Variants in SLC24A2 observed in about 807,000 individuals in gnomAD.
The protein encoded by SLC24A2 is solute carrier family 24 member 2.
Under a neutral mutation model 62.0 loss-of-function variants are expected in SLC24A2, and 36 were observed. That is an observed-to-expected ratio of 0.58 (90% CI 0.44 to 0.77). The LOEUF is 0.77. SLC24A2 is among the 30% of genes least tolerant of loss of function. The pLI is 0.00. For missense variants in SLC24A2, 846 were observed against 817.9 expected, an observed-to-expected ratio of 1.03 and a Z score of -0.42; for synonymous variants, 358 against 294.0, an observed-to-expected ratio of 1.22 and a Z score of -2.23.
chr9:20,186,386 T>A, the SLC24A2 span, among the ~76,000 whole-genome samples: 2 of 152,304 alleles, frequency 1.3e-5, no homozygotes, highest in East Asian at 3.9e-4. Flanking sequence ...GGGGCCCTAC[T>A]TACTGTCTGG....
At position 19,789,011 on chromosome 9, in the gene SLC24A2, C is replaced by G; in HGVS notation, c.-280G>C. 3.2e-6 allele frequency: 3 copies of G among 940,966 alleles called. No homozygotes were observed. 58.3% of individuals were successfully genotyped at this position (940,966 alleles called of 1,614,324 possible). A position where few individuals can be genotyped will look rare whatever the true frequency, so the allele number is the denominator to read the frequency against. On this transcript the variant is annotated 5_prime_UTR_variant, in exon 1 of 11. Coordinates refer to ENST00000341998, the MANE Select transcript of SLC24A2 (RefSeq NM_020344.4). The stretch of plus-strand genomic sequence containing the variant: ...GGCTCGCACTGGCTGCCGCTCTCGC[C>G]AGCCGGGCTGGGTTCGGGAGGAGAC...
At chr9:20,078,997 T>G in the SLC24A2 span, among the ~76,000 whole-genome samples, 4 of 146,208 alleles carry the variant, frequency 2.7e-5, no homozygotes, top group South Asian at 9.2e-4. Flanking sequence ...TGCTAACCCC[T>G]AGAACATGTG....
intron 10 of SLC24A2, among the ~76,000 whole-genome samples, chr9:19,517,100 A>ATC (rs1394011842): frequency 1.3e-5 from 2 of 152,312 alleles, no homozygotes; most frequent in East Asian, 3.9e-4. Flanking sequence ...ACCTTTTAAA[A>ATC]TCTGAGGATC....
At chr9:20,265,099 C>G in the SLC24A2 span, among the ~76,000 whole-genome samples, 16 of 152,332 alleles carry the variant, frequency 1.1e-4, no homozygotes, top group African/African-American at 3.6e-4. Flanking sequence ...GCTCTTGCAG[C>G]GGGCTACAGC....
chr9:20,211,234 C>A, the SLC24A2 span, among the ~76,000 whole-genome samples: 5 of 152,010 alleles, frequency 3.3e-5, no homozygotes, highest in Admixed American at 2.0e-4. Context: ...ACATGCTGGC[C>A]GGGCGCGGTG....
the SLC24A2 span, among the ~76,000 whole-genome samples, chr9:20,273,839 C>T: frequency 6.6e-6 from 1 of 152,172 alleles, no homozygotes; most frequent in Admixed American, 6.5e-5. Context: ...CTCCATCAAA[C>T]CTAAGCATAA....
At chr9:19,751,188 T>C (rs1024759059) in intron 2 of SLC24A2, among the ~76,000 whole-genome samples, 6 of 152,182 alleles carry the variant, frequency 3.9e-5, no homozygotes, top group Admixed American at 3.9e-4. Context: ...TAAAAGTTAT[T>C]GTAGCCAACA....
chr9:20,011,382 G>A, the SLC24A2 span, among the ~76,000 whole-genome samples: 1 of 152,016 alleles, frequency 6.6e-6, no homozygotes, highest in Non-Finnish European at 1.5e-5. Flanking sequence ...ATTTTTTCAT[G>A]TGTCTTTTGG....
At chr9:19,542,535 C>T (rs1053703339) in intron 8 of SLC24A2, among the ~76,000 whole-genome samples, 2 of 152,174 alleles carry the variant, frequency 1.3e-5, no homozygotes, top group African/African-American at 4.8e-5. Flanking sequence ...AAAGGGAATG[C>T]TTCCAGTTTT....
intron 1 of SLC24A2, among the ~76,000 whole-genome samples, chr9:19,787,829 A>T (rs1823221048): frequency 6.6e-6 from 1 of 152,198 alleles, no homozygotes; most frequent in Non-Finnish European, 1.5e-5. Context: ...ATTTCGAGAG[A>T]CCACATGTGT....
At chr9:19,727,429 T>C (rs1158933145) in intron 2 of SLC24A2, among the ~76,000 whole-genome samples, 1 of 152,170 alleles carries the variant, frequency 6.6e-6, no homozygotes, top group Non-Finnish European at 1.5e-5. Context: ...TTTTTCCCCA[T>C]AGCATTTTGC....
At chr9:20,191,543 G>C in the SLC24A2 span, among the ~76,000 whole-genome samples, 6 of 151,854 alleles carry the variant, frequency 4.0e-5, no homozygotes, top group African/African-American at 1.5e-4. Flanking sequence ...AACTAAGAGA[G>C]TTTATTCCCT....
chr9:20,025,862 G>T, the SLC24A2 span, among the ~76,000 whole-genome samples: 1 of 152,118 alleles, frequency 6.6e-6, no homozygotes, highest in African/African-American at 2.4e-5. Context: ...GAGGAGTAGG[G>T]AGAGAGAAGA....
chr9:19,991,063 TACA>T, the SLC24A2 span, among the ~76,000 whole-genome samples: 1 of 150,902 alleles, frequency 6.6e-6, no homozygotes, highest in Non-Finnish European at 1.5e-5. Context: ...CATACATACA[TACA>T]TATATGAAAA....
At chr9:20,291,690 C>T in the SLC24A2 span, among the ~76,000 whole-genome samples, 1 of 152,120 alleles carries the variant, frequency 6.6e-6, no homozygotes, top group Non-Finnish European at 1.5e-5. Context: ...GACGCTGGAG[C>T]ACTAAAATAA....
At chr9:19,932,391 G>T in the SLC24A2 span, among the ~76,000 whole-genome samples, 15 of 152,174 alleles carry the variant, frequency 9.9e-5, no homozygotes, top group Non-Finnish European at 1.9e-4. Flanking sequence ...CAATATCATA[G>T]TGAAATTTAG....
chr9:19,590,861 T>A (rs1036685046), intron 5 of SLC24A2, among the ~76,000 whole-genome samples: 3 of 152,208 alleles, frequency 2.0e-5, no homozygotes, highest in Admixed American at 6.5e-5. Context: ...CCACTTTCTG[T>A]CCACCACTCA....
At chr9:19,912,276 C>G in the SLC24A2 span, among the ~76,000 whole-genome samples, 1 of 152,054 alleles carries the variant, frequency 6.6e-6, no homozygotes. Context: ...AGATACTGAG[C>G]CTATTAAAAT....
At chr9:19,946,436 G>C in the SLC24A2 span, among the ~76,000 whole-genome samples, 1 of 152,160 alleles carries the variant, frequency 6.6e-6, no homozygotes, top group South Asian at 2.1e-4. Flanking sequence ...ATCATTAGAA[G>C]TTTATTTAGT....
Sources: allele counts gnomAD v4.1 joint callset (sites outside exome capture counted in the v4.1 genomes callset), GRCh38; gene constraint gnomAD v4.1.1; transcripts MANE v1.5; gene names NCBI Gene and HGNC (gene_info 2026-07-23, HGNC 2026-07-21).